The following SNX13 variants were observed in gnomAD, a reference collection of about 807,000 sequenced individuals.
SNX13 encodes sorting nexin-13.
SNX13 carries 45 observed loss-of-function variants against 133.6 expected under a neutral mutation model. That is an observed-to-expected ratio of 0.34 (90% CI 0.27 to 0.43). The LOEUF is 0.43. Ranked by LOEUF, SNX13 falls within the 20% of genes least tolerant of loss-of-function variation. SNX13 has a pLI of 1.00. For synonymous variants in SNX13, 414 were observed against 373.9 expected (o/e 1.11, Z -1.24); for missense variants, 1,032 against 1,145.1 (o/e 0.90, Z 1.43).
chr7:17,794,427 T>C (rs1035533611), intron 25 of SNX13, 135 bp from the exon 26 acceptor site: 4 of 1,099,594 alleles, frequency 3.6e-6, no homozygotes, highest in Non-Finnish European at 3.8e-6. Context: ...ATTTCAGCTA[T>C]GTACTATAGC....
intron 9 of SNX13, among the ~76,000 whole-genome samples, chr7:17,865,814 G>C (rs1793330742): frequency 6.6e-6 from 1 of 152,042 alleles, no homozygotes; most frequent in African/African-American, 2.4e-5. Context: ...GAACAGAATA[G>C]AGAACACAGA....
chr7:17,816,073 C>A, intron 19 of SNX13, 109 bp downstream of exon 19: 1 of 1,234,110 alleles, frequency 8.1e-7, no homozygotes, highest in Non-Finnish European at 1.1e-6. Context: ...TGGTTGCTAC[C>A]CTGTGATTAC....
intron 25 of SNX13, chr7:17,795,512 C>A (rs1354135028): frequency 6.6e-6 from 1 of 151,632 alleles, no homozygotes; most frequent in Non-Finnish European, 1.5e-5. Context: ...CCTGGCCACC[C>A]CATCTAAAAC....
intron 11 of SNX13, among the ~76,000 whole-genome samples, chr7:17,846,552 C>T (rs17138308): frequency 6.6e-6 from 1 of 151,798 alleles, no homozygotes; most frequent in Non-Finnish European, 1.5e-5. Flanking sequence ...ATTTCAGAAC[C>T]CTCTATTTAA....
rs117458595 is a variant in SNX13 at position 17,849,899 on chromosome 7, C to G, written c.1065+448G>C. ...AAGACATTCTCTATACGCTACTTTGCTTTATTACTGTTTTTTGCAGTAGAT... is the reference window on the plus strand; with the variant it reads ...AAGACATTCTCTATACGCTACTTTGGTTTATTACTGTTTTTTGCAGTAGAT... On this transcript the variant is annotated intron_variant, in intron 11 of 25. Coordinates refer to ENST00000428135, the MANE Select transcript of SNX13 (RefSeq NM_015132.5). 5.7e-3 allele frequency among the ~76,000 whole-genome samples: 875 copies of G among 152,266 alleles called. 7 individuals carry two copies. Among genetic ancestry groups the G allele is most frequent in the Non-Finnish European group, 9.9e-3 (674 of 68,016 alleles).
chr7:17,831,969 T>C, intron 15 of SNX13: 1 of 984,060 alleles, frequency 1.0e-6, no homozygotes. Context: ...TATACTTTTT[T>C]TGAATGGTTT....
In SNX13 at chr7:17,850,430, T is replaced by C; in HGVS notation, c.982A>G (p.Asn328Asp). ...CTATTTATTTGATTTTTGATAGTGT[T>C]GATATCTAAAAGCAAAGAAATCATG... ...RSLDTAGDDI[N>D]TIKNQINSLL... Residue 328 changes from asparagine to aspartate, a missense_variant, in exon 11 of 26, where the codon AAC (asparagine) becomes GAC (aspartate). Transcript: ENST00000428135. 6.4e-7 allele frequency: 1 copy of C among 1,557,994 alleles called. No individual in the cohort carries two copies. Among genetic ancestry groups the C allele is most frequent in the Non-Finnish European group, 8.7e-7 (1 of 1,148,266 alleles).
intron 20 of SNX13, among the ~76,000 whole-genome samples, chr7:17,809,834 C>T (rs1785788684): frequency 1.3e-5 from 2 of 152,146 alleles, no homozygotes; most frequent in Admixed American, 1.3e-4. Flanking sequence ...AACAGCACAA[C>T]TACATGGAAA....
chr7:17,857,817 G>A lies in SNX13; in HGVS notation c.838-6853C>T, dbSNP rs117737287. On this transcript the variant is annotated intron_variant, in intron 9 of 25. Transcript: ENST00000428135. ...ACTTAATTCAACAACACATTAAAAA[G>A]ATTATTCACCATGATTAAGTGGGTG... Among the ~76,000 whole-genome samples the A allele has an allele frequency of 4.7e-3, 712 of 152,096 alleles. 1 individual carries two copies. Among genetic ancestry groups the A allele is most frequent in the Middle Eastern group, 0.01 (3 of 294 alleles).
At chr7:17,813,570 A>G (rs1786302365) in intron 20 of SNX13, among the ~76,000 whole-genome samples, 1 of 151,642 alleles carries the variant, frequency 6.6e-6, no homozygotes, top group Non-Finnish European at 1.5e-5. Context: ...AAAATCCTGA[A>G]GTAATCATAT....
intron 1 of SNX13, among the ~76,000 whole-genome samples, chr7:17,919,255 CA>C (rs1799875349): frequency 6.6e-6 from 1 of 152,020 alleles, no homozygotes; most frequent in African/African-American, 2.4e-5. Context: ...ATTTGAAAAA[CA>C]AAAATAGTTG....
At chr7:17,812,100 T>G (rs781750951) in intron 20 of SNX13, among the ~76,000 whole-genome samples, 5 of 152,116 alleles carry the variant, frequency 3.3e-5, no homozygotes, top group Admixed American at 6.5e-5. Context: ...AAAGACTTCA[T>G]GACTAAAACA....
At chr7:17,870,627 A>G (rs986425207) in intron 8 of SNX13, among the ~76,000 whole-genome samples, 2 of 152,248 alleles carry the variant, frequency 1.3e-5, no homozygotes, top group Admixed American at 1.3e-4. Context: ...CTGCAGTAGC[A>G]CATGCACCAC....
rs538721771 is a variant in SNX13 at position 17,902,890 on chromosome 7, C to T, written c.13-5444G>A. Among the ~76,000 whole-genome samples, 16 of 152,182 alleles carry T rather than the reference C, an allele frequency of 1.1e-4. No homozygotes were observed. In the South Asian group the frequency reaches 3.3e-3, roughly 32 times the overall value. The stretch of plus-strand genomic sequence containing the variant: ...ATAGGAACGTGAAACCTATTGTGAA[C>T]TGTGCATGTGAGGGCTCTAGGTTGA... On this transcript the variant is annotated intron_variant, in intron 1 of 25. Transcript: ENST00000428135.
chr7:17,838,027 T>TA (rs1789355246), intron 13 of SNX13, among the ~76,000 whole-genome samples: 1 of 151,956 alleles, frequency 6.6e-6, no homozygotes, highest in Admixed American at 6.6e-5. Context: ...AATTTCTGTT[T>TA]ACTGTAATCC....
chr7:17,848,754 G>T (rs1790846873), intron 11 of SNX13, among the ~76,000 whole-genome samples: 2 of 152,244 alleles, frequency 1.3e-5, no homozygotes, highest in Non-Finnish European at 2.9e-5. Flanking sequence ...CTTCACTCAA[G>T]TTCCCACTGG....
rs146679239 is a variant in SNX13, at chr7:17,869,462, A to G, written c.754-972T>C. On this transcript the variant is annotated intron_variant, in intron 8 of 25. Coordinates refer to ENST00000428135, the MANE Select transcript of SNX13 (RefSeq NM_015132.5). ...GGTATTACCCTTTAGTGCCAGTAAT[A>G]TATAAATTTATGAACCCTAATTTCT... Among the ~76,000 whole-genome samples the G allele has an allele frequency of 1.2e-3, 185 of 152,284 alleles. 1 individual carries two copies. The highest frequency in any genetic ancestry group is 4.2e-3 in the African/African-American group (174 of 41,574).
rs368483958 is a variant in SNX13 at position 17,875,775 on chromosome 7, G to A, written c.456C>T (p.Asp152=). The stretch of plus-strand genomic sequence containing the variant: ...TGCGTGTAGTAAAATAAGGTTGCCA[G>A]TCTATTTCTTTTGACCTTATAAAAA... The part of the protein sequence containing the change: ...IQFATRSKEI[D]WQPYFTTRIV... The change falls in exon 6 of 26, where the codon GAC becomes GAT. Residue 152 remains aspartate (D), a synonymous_variant. Transcript: ENST00000428135. 1.2e-6 allele frequency: 2 copies of A among 1,602,554 alleles called. No homozygotes were observed. The highest frequency in any genetic ancestry group is 2.7e-5 in the African/African-American group (2 of 74,476).
At chr7:17,927,383 C>T (rs1456786457) in intron 1 of SNX13, among the ~76,000 whole-genome samples, 1 of 152,010 alleles carries the variant, frequency 6.6e-6, no homozygotes, top group South Asian at 2.1e-4. Flanking sequence ...GCTAGGACTA[C>T]AGGCACACAC....
Sources: gnomAD v4.1 joint callset for allele counts (sites outside exome capture counted in the v4.1 genomes callset) on GRCh38, gnomAD v4.1.1 for gene constraint, MANE v1.5 for transcripts, NCBI Gene and HGNC (gene_info 2026-07-23, HGNC 2026-07-21) for gene names.